ARHGAP20: variants seen among roughly 807,000 people sequenced by gnomAD.
ARHGAP20 encodes the protein rho GTPase-activating protein 20.
In ARHGAP20, 34 loss-of-function variants were observed where a neutral mutation model predicts 73.7. That is an observed-to-expected ratio of 0.46 (90% CI 0.35 to 0.61). The LOEUF is 0.61. Among genes scored for constraint, ARHGAP20 ranks in the 20% least tolerant of loss-of-function variants. ARHGAP20 has a pLI of 0.00. For synonymous variants in ARHGAP20, 523 were observed against 518.2 expected (o/e 1.01, Z -0.13); for missense variants, 1,314 against 1,420.9 (o/e 0.92, Z 1.21).
At chr11:110,711,071 G>A (rs1156546974) in intron 1 of ARHGAP20, among the ~76,000 whole-genome samples, 1 of 151,740 alleles carries the variant, frequency 6.6e-6, no homozygotes, top group Non-Finnish European at 1.5e-5. Flanking sequence ...GGAGGCGGGG[G>A]ACAGGCAGAC....
chr11:110,643,192 C>A (rs1949112040), intron 2 of ARHGAP20, among the ~76,000 whole-genome samples: 1 of 152,018 alleles, frequency 6.6e-6, no homozygotes, highest in Non-Finnish European at 1.5e-5. Flanking sequence ...CTAGCAGTCT[C>A]TCAATCTTGT....
At chr11:110,617,603 G>C (rs1948512208) in intron 4 of ARHGAP20, among the ~76,000 whole-genome samples, 1 of 152,122 alleles carries the variant, frequency 6.6e-6, no homozygotes, top group African/African-American at 2.4e-5. Context: ...TGAATAAACA[G>C]CATATATTAC....
intron 1 of ARHGAP20, among the ~76,000 whole-genome samples, chr11:110,691,263 T>C (rs759264554): frequency 1.4e-4 from 22 of 152,186 alleles, no homozygotes; most frequent in Non-Finnish European, 2.9e-4. Context: ...AAATGAAGTT[T>C]ATTCGACTTG....
At chr11:110,688,294 G>A (rs1950175930) in intron 2 of ARHGAP20, among the ~76,000 whole-genome samples, 1 of 149,370 alleles carries the variant, frequency 6.7e-6, no homozygotes, top group Non-Finnish European at 1.5e-5. Flanking sequence ...CGCCCCCAAT[G>A]TGAACCACTG....
chr11:110,668,860 C>T (rs1221815470), intron 2 of ARHGAP20, among the ~76,000 whole-genome samples: 1 of 151,860 alleles, frequency 6.6e-6, no homozygotes, highest in African/African-American at 2.4e-5. Flanking sequence ...GGTACAAAGG[C>T]AATTAAAAGG....
At chr11:110,702,788 C>G (rs958161753) in intron 1 of ARHGAP20, among the ~76,000 whole-genome samples, 2 of 152,114 alleles carry the variant, frequency 1.3e-5, no homozygotes, top group African/African-American at 4.8e-5. Flanking sequence ...TTCACAATTG[C>G]TTCAAAGAGA....
chr11:110,584,961 G>GTGAATATA lies in ARHGAP20; in HGVS notation c.1416-1232_1416-1225dup, dbSNP rs1555082402. Among the ~76,000 whole-genome samples, 414 of 68,960 alleles carry GTGAATATA rather than the reference G, an allele frequency of 6.0e-3. 5 individuals carry two copies. Among genetic ancestry groups the GTGAATATA allele is most frequent in the African/African-American group, 0.013 (391 of 29,176 alleles). 45.2% of individuals were successfully genotyped at this position (68,960 alleles called of 152,430 possible). On this transcript the variant is annotated intron_variant, in intron 12 of 14. Coordinates refer to ENST00000683387, the MANE Select transcript of ARHGAP20 (RefSeq NM_001384657.1). ...TGTGTATATGAATATATGAATATAT[G>GTGAATATA]TGAATATATGAATATATATGTGAAA...
intron 2 of ARHGAP20, among the ~76,000 whole-genome samples, chr11:110,648,240 A>C (rs12282025): frequency 0.12 from 11,163 of 92,632 alleles, 932 homozygotes; most frequent in African/African-American, 0.27. Flanking sequence ...TATATATGTA[A>C]ATATATATAT....
chr11:110,687,709 T>C (rs936748978), intron 2 of ARHGAP20, among the ~76,000 whole-genome samples: 1 of 152,078 alleles, frequency 6.6e-6, no homozygotes, highest in Non-Finnish European at 1.5e-5. Context: ...TTTTAAAAAG[T>C]TGAAAATAAT....
intron 1 of ARHGAP20, among the ~76,000 whole-genome samples, chr11:110,704,494 T>G (rs1247890542): frequency 3.3e-5 from 5 of 152,196 alleles, no homozygotes; most frequent in Non-Finnish European, 7.3e-5. Context: ...TGAGGTTATT[T>G]CTGCTGTCAG....
intron 2 of ARHGAP20, among the ~76,000 whole-genome samples, chr11:110,657,190 C>T (rs1261964935): frequency 6.6e-6 from 1 of 151,828 alleles, no homozygotes; most frequent in Non-Finnish European, 1.5e-5. Context: ...ATATTTTTTT[C>T]TCAATCCTTG....
rs141023971 is a variant in ARHGAP20, at chr11:110,613,883, T to C, written c.630+678A>G. 4.0e-3 allele frequency among the ~76,000 whole-genome samples: 612 copies of C among 152,324 alleles called. 6 individuals carry two copies. The highest frequency in any genetic ancestry group is 0.014 in the African/African-American group (572 of 41,568). On this transcript the variant is annotated intron_variant, in intron 6 of 14. Transcript: ENST00000683387. Reference sequence around the variant, plus strand: ...AGCTGCTGTGAAGTATGACAGTTAATAGTATAAAATATTCATAAGTTTTCA... The same window carrying C: ...AGCTGCTGTGAAGTATGACAGTTAACAGTATAAAATATTCATAAGTTTTCA...
At chr11:110,701,904 G>A (rs141480405) in intron 1 of ARHGAP20, among the ~76,000 whole-genome samples, 7,904 of 151,954 alleles carry the variant, frequency 0.052, 252 homozygotes, top group Middle Eastern at 0.1. Context: ...GATATGCGGC[G>A]TTATTTCTGA....
intron 2 of ARHGAP20, among the ~76,000 whole-genome samples, chr11:110,667,320 T>C (rs1446330973): frequency 6.6e-6 from 1 of 152,214 alleles, no homozygotes; most frequent in East Asian, 1.9e-4. Context: ...TATTTACCAT[T>C]CTGAAATTAC....
rs531290423 is a variant in ARHGAP20 at position 110,591,319 on chromosome 11, A to T, written c.1144-510T>A. On this transcript the variant is annotated intron_variant, in intron 10 of 14. Coordinates refer to ENST00000683387, the MANE Select transcript of ARHGAP20 (RefSeq NM_001384657.1). ...TTAAAACAATTTGTAAACGGATGAG[A>T]TGATGACATGATAACAACTATCCCC... Among the ~76,000 whole-genome samples, 7 of 152,374 alleles carry T rather than the reference A, an allele frequency of 4.6e-5. No homozygotes were observed. In the South Asian group the frequency reaches 1.5e-3, roughly 32 times the overall value.
intron 7 of ARHGAP20, 132 bp downstream of exon 7, chr11:110,611,177 A>G: frequency 7.5e-6 from 4 of 531,970 alleles, no homozygotes; most frequent in East Asian, 3.4e-5. Context: ...CTCATTTTCT[A>G]TATTTTGGGG....
chr11:110,614,391 T>C (rs1007502242), intron 6 of ARHGAP20, among the ~76,000 whole-genome samples, 170 bp downstream of exon 6: 12 of 152,180 alleles, frequency 7.9e-5, no homozygotes, highest in Admixed American at 2.0e-4. Context: ...TATGAAGACA[T>C]ACATATAACC....
At chr11:110,617,510 G>A (rs776943242) in intron 4 of ARHGAP20, among the ~76,000 whole-genome samples, 6 of 151,974 alleles carry the variant, frequency 3.9e-5, no homozygotes, top group South Asian at 2.1e-4. Context: ...TGATCCACCC[G>A]CCTCCGCCTC....
Position 110,578,255 on chromosome 11 carries a change from GCTGT to G in ARHGAP20, c.*1111_*1114del. 2.0e-6 allele frequency: 2 copies of G among 985,440 alleles called. No homozygotes were observed. Among genetic ancestry groups the G allele is most frequent in the Non-Finnish European group, 2.4e-6 (2 of 829,938 alleles). The allele number at this position is 985,440 out of a possible 1,614,324, so 61.0% of individuals were successfully genotyped here. A position where few individuals can be genotyped will look rare whatever the true frequency, so the allele number is the denominator to read the frequency against. ...CTGGAAGCAAAACCCAAAGCAAATG[GCTGT>G]CTGAGAAGGCCTGGCAGCCACTTTG... On this transcript the variant is annotated 3_prime_UTR_variant, in exon 15 of 15. Transcript: ENST00000683387.
Sources: gnomAD v4.1 joint callset for allele counts (sites outside exome capture counted in the v4.1 genomes callset) on GRCh38, gnomAD v4.1.1 for gene constraint, MANE v1.5 for transcripts, NCBI Gene and HGNC (gene_info 2026-07-23, HGNC 2026-07-21) for gene names.